Variants in CAMK1D observed in about 807,000 individuals in gnomAD.
CAMK1D encodes the protein calcium/calmodulin dependent protein kinase ID, also known as calcium/calmodulin-dependent protein kinase type 1D.
A neutral mutation model predicts 47.7 loss-of-function variants in CAMK1D; 9 were observed. The observed-to-expected ratio is 0.19, with a 90% CI of 0.11 to 0.33. The LOEUF is 0.33. CAMK1D is among the 10% of genes least tolerant of loss of function. CAMK1D has a pLI of 1.00. For synonymous variants in CAMK1D, 184 were observed against 184.9 expected, an observed-to-expected ratio of 0.99 and a Z score of 0.04; for missense variants, 291 against 488.7, an observed-to-expected ratio of 0.60 and a Z score of 3.81.
At chr10:12,507,007 CA>C (rs1348656747) in intron 1 of CAMK1D, among the ~76,000 whole-genome samples, 1 of 152,152 alleles carries the variant, frequency 6.6e-6, no homozygotes, top group Non-Finnish European at 1.5e-5. Flanking sequence ...GAACAGTTTT[CA>C]AATTAACTGC....
chr10:12,809,282 T>C (rs571371378), intron 6 of CAMK1D, among the ~76,000 whole-genome samples: 2 of 152,304 alleles, frequency 1.3e-5, no homozygotes, highest in Non-Finnish European at 1.5e-5. Context: ...TTGTATGTCA[T>C]TGAGAAATCA....
intron 6 of CAMK1D, among the ~76,000 whole-genome samples, chr10:12,803,519 T>C (rs1345295461): frequency 1.3e-5 from 2 of 152,090 alleles, no homozygotes; most frequent in African/African-American, 4.8e-5. Context: ...CCATCTCTAC[T>C]AAAAATACAA....
intron 4 of CAMK1D, among the ~76,000 whole-genome samples, chr10:12,763,366 C>G (rs1038129369): frequency 6.6e-6 from 1 of 152,150 alleles, no homozygotes; most frequent in African/African-American, 2.4e-5. Flanking sequence ...GAATACTGCC[C>G]CAGCCTACCT....
intron 1 of CAMK1D, among the ~76,000 whole-genome samples, chr10:12,427,800 C>T (rs1234918857): frequency 2.7e-5 from 4 of 146,046 alleles, no homozygotes; most frequent in South Asian, 2.2e-4. Context: ...CTTTTCCTCC[C>T]GGGTTCAAGC....
At chr10:12,434,726 C>T (rs1832578528) in intron 1 of CAMK1D, among the ~76,000 whole-genome samples, 1 of 152,306 alleles carries the variant, frequency 6.6e-6, no homozygotes, top group Admixed American at 6.5e-5. Flanking sequence ...TGTGTAAATA[C>T]ACATTTGATG....
intron 6 of CAMK1D, among the ~76,000 whole-genome samples, chr10:12,807,282 G>A (rs1056302908): frequency 6.6e-6 from 1 of 152,192 alleles, no homozygotes; most frequent in Non-Finnish European, 1.5e-5. Context: ...GTTGCCTTAA[G>A]GAAGAGAGAT....
chr10:12,550,823 C>A (rs555791425), intron 1 of CAMK1D, among the ~76,000 whole-genome samples: 2 of 152,204 alleles, frequency 1.3e-5, no homozygotes, highest in Non-Finnish European at 1.5e-5. Context: ...TAAAAATAGA[C>A]CATGAAGCTA....
At chr10:12,540,211 T>A (rs984803650) in intron 1 of CAMK1D, among the ~76,000 whole-genome samples, 48 of 152,002 alleles carry the variant, frequency 3.2e-4, no homozygotes, top group African/African-American at 1.1e-3. Context: ...ATTACAGGCG[T>A]GAGCCACTAT....
chr10:12,423,708 T>C (rs1045770319), intron 1 of CAMK1D, among the ~76,000 whole-genome samples: 6 of 152,200 alleles, frequency 3.9e-5, no homozygotes, highest in African/African-American at 9.6e-5. Context: ...CTTGAAACGA[T>C]AGTTTTGAAT....
intron 6 of CAMK1D, among the ~76,000 whole-genome samples, chr10:12,803,894 T>C (rs1838596639): frequency 6.6e-6 from 1 of 152,172 alleles, no homozygotes; most frequent in African/African-American, 2.4e-5. Flanking sequence ...TCAAACATAC[T>C]TTTCAGCTTC....
intron 1 of CAMK1D, among the ~76,000 whole-genome samples, chr10:12,418,730 T>C (rs549058757): frequency 2.6e-5 from 4 of 152,218 alleles, no homozygotes; most frequent in Non-Finnish European, 5.9e-5. Flanking sequence ...AATGAAACCT[T>C]TTAAAAAGTA....
At position 12,429,124 on chromosome 10, in the gene CAMK1D, C is replaced by T. The variant is rs578141741; in HGVS notation, c.92+79214C>T. ...GCCATCTCCCACATTGTGCCTCCCT[C>T]ATCGCCCACCCCTGCCACTCTGGCT... is the stretch of plus-strand genomic sequence containing the variant. On this transcript the variant is annotated intron_variant, in intron 1 of 10. Coordinates refer to ENST00000619168, the MANE Select transcript of CAMK1D (RefSeq NM_153498.4). Among the ~76,000 whole-genome samples, 202 of 152,306 alleles carry T rather than the reference C, an allele frequency of 1.3e-3. 2 individuals carry two copies. Among genetic ancestry groups the T allele is most frequent in the Admixed American group, 0.013 (201 of 15,294 alleles).
At chr10:12,679,497 C>T (rs773586647) in intron 3 of CAMK1D, among the ~76,000 whole-genome samples, 2 of 152,170 alleles carry the variant, frequency 1.3e-5, no homozygotes, top group Non-Finnish European at 2.9e-5. Context: ...ATAAAAAGAG[C>T]ACCTACACAC....
intron 2 of CAMK1D, among the ~76,000 whole-genome samples, chr10:12,624,148 GA>G (rs1187166591): frequency 1.3e-5 from 2 of 151,964 alleles, no homozygotes; most frequent in East Asian, 1.9e-4. Flanking sequence ...CAATGTCTTA[GA>G]AAAAAATCAT....
intron 2 of CAMK1D, among the ~76,000 whole-genome samples, chr10:12,629,411 G>A (rs72771754): frequency 0.037 from 5,692 of 152,258 alleles, 162 homozygotes; most frequent in Middle Eastern, 0.12. Flanking sequence ...CAATAAACAC[G>A]TTTACATAAA....
At chr10:12,600,137 A>G (rs138054989) in intron 2 of CAMK1D, among the ~76,000 whole-genome samples, 124 of 152,282 alleles carry the variant, frequency 8.1e-4, no homozygotes, top group African/African-American at 2.8e-3. Context: ...GAGGGTGGGA[A>G]GAAGGAAATA....
intron 2 of CAMK1D, among the ~76,000 whole-genome samples, chr10:12,642,047 A>AT (rs1176526008): frequency 1.0e-3 from 138 of 135,334 alleles, no homozygotes; most frequent in Middle Eastern, 7.5e-3. Flanking sequence ...CTTTCTCAGA[A>AT]TAAAAAAAAA....
chr10:12,751,138 A>G (rs574811845), intron 3 of CAMK1D, among the ~76,000 whole-genome samples: 8 of 151,742 alleles, frequency 5.3e-5, no homozygotes, highest in South Asian at 2.1e-4. Context: ...AGGCTTCAGA[A>G]GGCTTCTTTC....
intron 2 of CAMK1D, among the ~76,000 whole-genome samples, chr10:12,616,380 C>G (rs1235242958): frequency 6.6e-6 from 1 of 152,200 alleles, no homozygotes; most frequent in Non-Finnish European, 1.5e-5. Context: ...ACAGACTGTT[C>G]TAAACCCTTT....
Sources: allele counts gnomAD v4.1 joint callset (sites outside exome capture counted in the v4.1 genomes callset), GRCh38; gene constraint gnomAD v4.1.1; transcripts MANE v1.5; gene names NCBI Gene and HGNC (gene_info 2026-07-23, HGNC 2026-07-21).